Variants in PKHD1L1 observed in about 807,000 individuals in gnomAD.
PKHD1L1 encodes PKHD1 like 1.
Under a neutral mutation model 462.9 loss-of-function variants are expected in PKHD1L1, and 434 were observed. That is an observed-to-expected ratio of 0.94 (90% CI 0.87 to 1.02). PKHD1L1 has a LOEUF of 1.02. Among genes scored for constraint, PKHD1L1 ranks in the 50% least tolerant of loss-of-function variants. PKHD1L1 has a pLI of 0.00. For synonymous variants in PKHD1L1, 1,781 were observed against 1,750.0 expected (o/e 1.02, Z -0.44); for missense variants, 5,202 against 5,096.1 (o/e 1.02, Z -0.63).
At position 109,438,304 on chromosome 8, in the gene PKHD1L1, T is replaced by C; in HGVS notation, c.3628-20T>C. 1.4e-6 allele frequency: 2 copies of C among 1,434,090 alleles called. No individual in the cohort carries two copies. Among genetic ancestry groups the C allele is most frequent in the Non-Finnish European group, 1.9e-6 (2 of 1,068,780 alleles). The allele number at this position is 1,434,090 out of a possible 1,614,324, so 88.8% of individuals were successfully genotyped here. Reference sequence around the variant, plus strand: ...TATCTCAACAATTAATATTTTCTAATTTTTTTCCTCTTATTTTAGAAAACT... The same window carrying C: ...TATCTCAACAATTAATATTTTCTAACTTTTTTCCTCTTATTTTAGAAAACT... On this transcript the variant is annotated intron_variant, in intron 30 of 77. Coordinates refer to ENST00000378402, the MANE Select transcript of PKHD1L1 (RefSeq NM_177531.6).
intron 72 of PKHD1L1, among the ~76,000 whole-genome samples, chr8:109,516,533 T>C (rs1231391915): frequency 6.6e-6 from 1 of 152,080 alleles, no homozygotes; most frequent in Non-Finnish European, 1.5e-5. Context: ...CCTTGAAGAT[T>C]AGGGCTTCAA....
chr8:109,426,139 A>T (rs1814734321), intron 24 of PKHD1L1, among the ~76,000 whole-genome samples: 1 of 152,118 alleles, frequency 6.6e-6, no homozygotes, highest in African/African-American at 2.4e-5. Context: ...TCACTGCTTT[A>T]TCCACTACAC....
Position 109,452,776 on chromosome 8 carries a change from A to G in PKHD1L1, c.6566A>G (p.Lys2189Arg), listed in dbSNP as rs755229963. 9 of 1,532,948 alleles carry G rather than the reference A, an allele frequency of 5.9e-6. No individual in the cohort carries two copies. The highest frequency in any genetic ancestry group is 7.9e-6 in the Non-Finnish European group (9 of 1,140,858). 95.0% of individuals were successfully genotyped at this position (1,532,948 alleles called of 1,614,324 possible). A position where few individuals can be genotyped will look rare whatever the true frequency, so the allele number is the denominator to read the frequency against. The change falls in exon 43 of 78, where the codon AAA (lysine) becomes AGA (arginine). Residue 2189 changes from lysine to arginine, a missense_variant. This residue lies in a region of PKHD1L1 where 4,497 missense variants were observed against 4,336.8 expected (regional missense o/e 1.04). Transcript: ENST00000378402. ...AWSSNFSWGG[K>R]SPPEEGSLVV... is the part of the protein sequence containing the mutation. ...TCCTCCAATTTCTCATGGGGGGGAAAATCTCCCCCAGAAGAAGGATCTCTT... is the reference window on the plus strand; with the variant it reads ...TCCTCCAATTTCTCATGGGGGGGAAGATCTCCCCCAGAAGAAGGATCTCTT...
In PKHD1L1 at chr8:109,443,769, C is replaced by G. The variant is rs372148502; in HGVS notation, c.4658C>G (p.Ser1553Ter). The change falls in exon 37 of 78, where the codon TCA (serine) becomes TGA (stop). Residue 1553 changes from serine (S) to a stop codon, truncating the protein, a stop_gained. Transcript: ENST00000378402. LOFTEE classifies it high-confidence loss of function. The part of the protein sequence containing the change: ...CSLNNTRVKN[S>*]KRLLFEVSSC... ...CTGAACAATACCAGGGTTAAAAATT[C>G]AAAAAGATTGCTATTTGAGGTTTCA... 6.2e-6 allele frequency: 10 copies of G among 1,613,660 alleles called. No homozygotes were observed. In the South Asian group the frequency reaches 1.1e-4, roughly 18 times the overall value.
At position 109,491,884 on chromosome 8, in the gene PKHD1L1, T is replaced by C. The variant is rs1818846101; in HGVS notation, c.10126T>C (p.Trp3376Arg). Residue 3376 changes from tryptophan to arginine, a missense_variant, in exon 62 of 78, where the codon TGG (tryptophan) becomes CGG (arginine). Around this residue, in one of 3 missense-constraint regions of PKHD1L1, gnomAD observed 4,497 missense variants for 4,336.8 expected, o/e 1.04. Transcript: ENST00000378402. ...CTTTTTTTAAACAGGCATAAGAATA[T>C]GGGGGAATGCCAACCGAGTCCGAGG... ...HFTVGEGIRI[W>R]GNANRVRGNL... 13 of 1,602,384 alleles carry C rather than the reference T, an allele frequency of 8.1e-6. No homozygotes were observed. The highest frequency in any genetic ancestry group is 2.2e-5 in the East Asian group (1 of 44,766).
At chr8:109,382,986 G>A (rs1812204150) in intron 4 of PKHD1L1, among the ~76,000 whole-genome samples, 1 of 144,528 alleles carries the variant, frequency 6.9e-6, no homozygotes, top group Non-Finnish European at 1.5e-5. Flanking sequence ...GCCCTAAATA[G>A]AAGTATTAGC....
In PKHD1L1 at chr8:109,406,427, A is replaced by T. The variant is rs777590362; in HGVS notation, c.1762A>T (p.Thr588Ser). ...ACCGGACACAGTTCAAGTAATAAGA[A>T]CACAAAATCCCCAGAGCTATGTCTA... ...IKPDTVQVIRTQNPQSYVYMV... is the reference protein window; with the variant it reads ...IKPDTVQVIRSQNPQSYVYMV... The change falls in exon 17 of 78, where the codon ACA (threonine) becomes TCA (serine). Residue 588 changes from threonine (T) to serine (S), a missense_variant. Coordinates refer to ENST00000378402, the MANE Select transcript of PKHD1L1 (RefSeq NM_177531.6). The T allele has an allele frequency of 6.3e-7, 1 of 1,598,156 alleles. No homozygotes were observed. Among genetic ancestry groups the T allele is most frequent in the Non-Finnish European group, 8.5e-7 (1 of 1,171,704 alleles).
In PKHD1L1 at chr8:109,444,830, G is replaced by A. The variant is rs373094487; in HGVS notation, c.4961G>A (p.Arg1654Gln). Residue 1654 changes from arginine (R) to glutamine (Q), a missense_variant, in exon 38 of 78, where the codon CGA becomes CAA. Arg to Gln is a conservative substitution (Grantham distance 43, BLOSUM62 1). Coordinates refer to ENST00000378402, the MANE Select transcript of PKHD1L1 (RefSeq NM_177531.6). ...ACGTTGTCCAATGAATTTGATAGGC[G>A]ATTTGTACTTTTGCCAAACATTGAC... ...INTLSNEFDR[R>Q]FVLLPNIDLV... 29 of 1,613,866 alleles carry A rather than the reference G, an allele frequency of 1.8e-5. No homozygotes were observed. The African/African-American group carries it at 3.2e-4, about 18-fold the overall frequency.
At chr8:109,483,567 G>C (rs1276250731) in intron 57 of PKHD1L1, among the ~76,000 whole-genome samples, 1 of 147,518 alleles carries the variant, frequency 6.8e-6, no homozygotes, top group Non-Finnish European at 1.5e-5. Flanking sequence ...GAATATTTTT[G>C]GATAAAATTA....
intron 67 of PKHD1L1, among the ~76,000 whole-genome samples, chr8:109,500,754 A>G (rs1206361743): frequency 6.6e-6 from 1 of 151,358 alleles, no homozygotes; most frequent in Non-Finnish European, 1.5e-5. Context: ...GCCATTTTAC[A>G]ACTAACAGTG....
intron 50 of PKHD1L1, 30 bp from the exon 51 acceptor site, chr8:109,475,088 A>G: frequency 1.3e-6 from 2 of 1,556,188 alleles, no homozygotes; most frequent in Non-Finnish European, 1.7e-6. Context: ...AGAGATTACT[A>G]TTATTTTCTT....
In PKHD1L1 at chr8:109,448,155, C is replaced by A; in HGVS notation, c.5789C>A (p.Thr1930Asn). 6.2e-7 allele frequency: 1 copy of A among 1,601,946 alleles called. No individual in the cohort carries two copies. The highest frequency in any genetic ancestry group is 1.4e-5 in the African/African-American group (1 of 74,014). ...GIIPSRGPPG[T>N]EIEITGSNFG... is the part of the protein sequence containing the mutation. The stretch of plus-strand genomic sequence containing the variant: ...TTTTTTTTTTAAGGTCCACCAGGAA[C>A]TGAAATTGAGATCACTGGATCCAAC... Residue 1930 changes from threonine to asparagine, a missense_variant, in exon 39 of 78, where the codon ACT (threonine) becomes AAT (asparagine). Transcript: ENST00000378402.
At chr8:109,457,422 A>G (rs1816885618) in intron 46 of PKHD1L1, among the ~76,000 whole-genome samples, 1 of 152,216 alleles carries the variant, frequency 6.6e-6, no homozygotes, top group Admixed American at 6.6e-5. Flanking sequence ...TTTGTATGAA[A>G]TGAAAGGGTT....
rs893927832 is a variant in PKHD1L1, at chr8:109,435,284, G to A, written c.3435G>A (p.Gly1145=). ...ATGTTGGACTAGCACAGAATGTAGGGGGTGAAGAGTTCTACTTTGTTTATC... is the reference window on the plus strand; with the variant it reads ...ATGTTGGACTAGCACAGAATGTAGGAGGTGAAGAGTTCTACTTTGTTTATC... ...MADVGLAQNV[G]GEEFYFVYQS... The change falls in exon 29 of 78, where the codon GGG becomes GGA. Residue 1145 remains glycine, a synonymous_variant. Coordinates refer to ENST00000378402, the MANE Select transcript of PKHD1L1 (RefSeq NM_177531.6). 7.4e-6 allele frequency: 12 copies of A among 1,613,750 alleles called. No individual in the cohort carries two copies. In the Admixed American group the frequency reaches 1.7e-4, roughly 22 times the overall value.
In PKHD1L1 at chr8:109,523,216, T is replaced by C. The variant is rs750604005; in HGVS notation, c.12331-17T>C. ...CAGGACAATTGTTATAATTATCTAC[T>C]TTTTTTTTTTTTTTAGGGTAACTGT... is the stretch of plus-strand genomic sequence containing the variant. On this transcript the variant is annotated splice_polypyrimidine_tract_variant and intron_variant, in intron 75 of 77. Transcript: ENST00000378402. The C allele has an allele frequency of 2.0e-5, 2 of 101,488 alleles. No individual in the cohort carries two copies. Among genetic ancestry groups the C allele is most frequent in the East Asian group, 8.1e-4 (2 of 2,470 alleles). 6.3% of individuals were successfully genotyped at this position (101,488 alleles called of 1,614,324 possible). A position where few individuals can be genotyped will look rare whatever the true frequency, so the allele number is the denominator to read the frequency against.
intron 48 of PKHD1L1, among the ~76,000 whole-genome samples, chr8:109,462,858 T>G (rs1279319259): frequency 6.6e-6 from 1 of 152,022 alleles, no homozygotes; most frequent in Non-Finnish European, 1.5e-5. Context: ...CTTTTCATTC[T>G]GCTTGGAATC....
intron 63 of PKHD1L1, among the ~76,000 whole-genome samples, chr8:109,494,617 T>C (rs948692864): frequency 2.0e-5 from 3 of 151,990 alleles, no homozygotes; most frequent in African/African-American, 7.2e-5. Flanking sequence ...AAGTGCTTAC[T>C]GGAGAGTGCA....
chr8:109,389,109 A>G lies in PKHD1L1; in HGVS notation c.654A>G (p.Gly218=). The G allele has an allele frequency of 6.2e-7, 1 of 1,610,876 alleles. No individual in the cohort carries two copies. The highest frequency in any genetic ancestry group is 8.5e-7 in the Non-Finnish European group (1 of 1,177,894). Residue 218 remains glycine (G), a synonymous_variant, in exon 8 of 78, where the codon GGA becomes GGG. Coordinates refer to ENST00000378402, the MANE Select transcript of PKHD1L1 (RefSeq NM_177531.6). The stretch of plus-strand genomic sequence containing the variant: ...GTCTAAAACTGGATCATCCAAATGG[A>G]GATATGGGTTCTATGGTTTGTAAGA... ...LYGLKLDHPN[G]DMGSMVCKTT... is the part of the protein sequence containing the mutation.
intron 5 of PKHD1L1, among the ~76,000 whole-genome samples, chr8:109,384,632 A>T (rs1382172617): frequency 1.3e-5 from 2 of 152,002 alleles, no homozygotes; most frequent in African/African-American, 4.8e-5. Context: ...CCACTTATAC[A>T]TTCAACTGGT....
Sources: allele counts gnomAD v4.1 joint callset (sites outside exome capture counted in the v4.1 genomes callset), GRCh38; gene constraint gnomAD v4.1.1; regional missense constraint gnomAD v4.1.1; transcripts MANE v1.5; gene names NCBI Gene and HGNC (gene_info 2026-07-23, HGNC 2026-07-21).